The following MCUR1 variants were observed in gnomAD, a reference collection of about 807,000 sequenced individuals.
MCUR1 encodes the protein mitochondrial calcium uniporter regulator 1.
MCUR1 carries 37 observed loss-of-function variants against 42.0 expected under a neutral mutation model. The ratio of observed to expected loss-of-function variants is 0.88; its 90% confidence interval spans 0.68 to 1.16. The LOEUF (loss-of-function observed/expected upper bound fraction) is 1.16, where lower values mean the gene tolerates loss of function less well. MCUR1 is among the 50% of genes most tolerant of loss of function. The pLI, the probability that MCUR1 is intolerant of heterozygous loss-of-function variation, is 0.00. For synonymous variants in MCUR1, 229 were observed against 196.2 expected (o/e 1.17, Z -1.40); for missense variants, 469 against 468.4 (o/e 1.00, Z -0.01).
At chr6:13,795,129 A>G (rs951573840) in intron 6 of MCUR1, among the ~76,000 whole-genome samples, 22 of 151,974 alleles carry the variant, frequency 1.4e-4, no homozygotes, top group African/African-American at 4.3e-4. Context: ...AGTAGAAAAA[A>G]AAAAAAGAAA....
chr6:13,791,853 T>C (rs754354709), intron 8 of MCUR1, 25 bp downstream of exon 8: 7 of 1,515,996 alleles, frequency 4.6e-6, no homozygotes, highest in Non-Finnish European at 6.4e-6. Context: ...TTCAGGTTGA[T>C]TTAAATAGAT....
intron 1 of MCUR1, among the ~76,000 whole-genome samples, chr6:13,811,341 AT>A (rs1024492460): frequency 4.1e-4 from 60 of 147,074 alleles, no homozygotes; most frequent in Non-Finnish European, 4.5e-4. Flanking sequence ...GCTAGGAATA[AT>A]TTTTTTTTTT....
At chr6:13,790,929 T>C in intron 8 of MCUR1, 65 bp from the exon 9 acceptor site, 1 of 1,286,718 alleles carries the variant, frequency 7.8e-7, no homozygotes, top group Non-Finnish European at 1.1e-6. Flanking sequence ...GGAACATCTT[T>C]TTTTAAGAAA....
intron 1 of MCUR1, among the ~76,000 whole-genome samples, chr6:13,813,784 T>G (rs1369690513): frequency 2.0e-5 from 3 of 152,052 alleles, no homozygotes; most frequent in Non-Finnish European, 2.9e-5. Flanking sequence ...CCCTCCAACT[T>G]TAGCGCCCGG....
chr6:13,798,970 G>C (rs994187809), intron 5 of MCUR1, 66 bp from the exon 6 acceptor site: 1 of 943,522 alleles, frequency 1.1e-6, no homozygotes, highest in Admixed American at 1.8e-5. Context: ...CTATGAGGAC[G>C]TGACACTGGG....
At chr6:13,806,271 G>A (rs1760110097) in intron 2 of MCUR1, among the ~76,000 whole-genome samples, 1 of 151,168 alleles carries the variant, frequency 6.6e-6, no homozygotes, top group African/African-American at 2.4e-5. Context: ...GAAAGAAAAA[G>A]AAAAAAGAAA....
Position 13,814,069 on chromosome 6 carries a change from C to G in MCUR1, c.361G>C (p.Gly121Arg). The change falls in exon 1 of 9, where the codon GGC becomes CGC. Residue 121 changes from glycine (G) to arginine (R), a missense_variant. Transcript: ENST00000379170. The part of the protein sequence containing the change: ...RCSPGVAAAA[G>R]ALPQYHGPAP... Reference sequence around the variant, plus strand: ...GGGCCGTGGTACTGGGGAAGGGCGCCGGCGGCAGCGGCGACGCCCGGTGAG... The same window carrying G: ...GGGCCGTGGTACTGGGGAAGGGCGCGGGCGGCAGCGGCGACGCCCGGTGAG... The G allele has an allele frequency of 3.2e-6, 4 of 1,238,966 alleles. No homozygotes were observed. The highest frequency in any genetic ancestry group is 4.0e-6 in the Non-Finnish European group (4 of 993,592). The allele number at this position is 1,238,966 out of a possible 1,614,324, so 76.7% of individuals were successfully genotyped here.
chr6:13,796,186 G>A (rs1277384656), intron 6 of MCUR1, among the ~76,000 whole-genome samples: 1 of 151,924 alleles, frequency 6.6e-6, no homozygotes, highest in Non-Finnish European at 1.5e-5. Context: ...AATATTATAA[G>A]CTTTACTTTT....
rs1350544285 is a variant in MCUR1, at chr6:13,814,510, C to G, written c.-81G>C. ...GCCACGCGCGGTCCAGGCCCAGAGT[C>G]CGACAGCGGGAGCGAGCGTGGGCCA... On this transcript the variant is annotated 5_prime_UTR_variant, in exon 1 of 9. Coordinates refer to ENST00000379170, the MANE Select transcript of MCUR1 (RefSeq NM_001031713.4). 6.0e-6 allele frequency: 8 copies of G among 1,332,800 alleles called. No individual in the cohort carries two copies. In the African/African-American group the frequency reaches 7.7e-5, roughly 13 times the overall value. The allele number at this position is 1,332,800 out of a possible 1,614,324, so 82.6% of individuals were successfully genotyped here. A position where few individuals can be genotyped will look rare whatever the true frequency, so the allele number is the denominator to read the frequency against.
chr6:13,804,856 A>AT (rs1760082882), intron 2 of MCUR1, among the ~76,000 whole-genome samples: 1 of 151,686 alleles, frequency 6.6e-6, no homozygotes, highest in Non-Finnish European at 1.5e-5. Context: ...GCAGAAATTA[A>AT]TTTTTTGTAG....
At chr6:13,802,662 G>A (rs1464877768) in intron 2 of MCUR1, among the ~76,000 whole-genome samples, 1 of 151,930 alleles carries the variant, frequency 6.6e-6, no homozygotes, top group East Asian at 1.9e-4. Flanking sequence ...AGTGAAAAAA[G>A]GCAAGACTCA....
rs1408682014 is a variant in MCUR1, at chr6:13,788,470, AC to A, written c.*2338del. ...TGCCAGAATGATGCAGCCCGCTCTC[AC>A]CAGGAAGAACGACATGTGAGAAAAC... On this transcript the variant is annotated 3_prime_UTR_variant, in exon 9 of 9. Transcript: ENST00000379170. 1 of 152,212 alleles carries A rather than the reference AC, an allele frequency of 6.6e-6. No individual in the cohort carries two copies. 9.4% of individuals were successfully genotyped at this position (152,212 alleles called of 1,614,324 possible). A position where few individuals can be genotyped will look rare whatever the true frequency, so the allele number is the denominator to read the frequency against.
intron 2 of MCUR1, 92 bp downstream of exon 2, chr6:13,806,833 A>G (rs1208244397): frequency 2.2e-6 from 3 of 1,345,928 alleles, no homozygotes; most frequent in Non-Finnish European, 2.0e-6. Flanking sequence ...TAGAAGTCAA[A>G]GAGGAACATG....
In MCUR1 at chr6:13,807,060, C is replaced by T. The variant is rs1237856604; in HGVS notation, c.416-16G>A. On this transcript the variant is annotated splice_polypyrimidine_tract_variant and intron_variant, in intron 1 of 8. Transcript: ENST00000379170. ...AAGCTTAGCTCTAGGGTGGAAAGGACAGTAAGCTCAAAACAGACTTCATGC... is the reference window on the plus strand; with the variant it reads ...AAGCTTAGCTCTAGGGTGGAAAGGATAGTAAGCTCAAAACAGACTTCATGC... 2 of 1,591,030 alleles carry T rather than the reference C, an allele frequency of 1.3e-6. No individual in the cohort carries two copies. Among genetic ancestry groups the T allele is most frequent in the Non-Finnish European group, 1.7e-6 (2 of 1,166,854 alleles).
At chr6:13,795,568 C>T (rs935263737) in intron 6 of MCUR1, among the ~76,000 whole-genome samples, 4 of 152,162 alleles carry the variant, frequency 2.6e-5, no homozygotes, top group Non-Finnish European at 4.4e-5. Flanking sequence ...CAAACACACT[C>T]GCTGTATAAT....
chr6:13,799,369 G>A (rs1277164999), intron 5 of MCUR1, among the ~76,000 whole-genome samples: 3 of 152,160 alleles, frequency 2.0e-5, no homozygotes, highest in Non-Finnish European at 1.5e-5. Flanking sequence ...ATGTTTAGTA[G>A]AGATGGGGTT....
Position 13,798,853 on chromosome 6 carries a change from T to G in MCUR1, c.835A>C (p.Lys279Gln). 1.2e-6 allele frequency: 2 copies of G among 1,611,622 alleles called. No individual in the cohort carries two copies. The highest frequency in any genetic ancestry group is 1.7e-6 in the Non-Finnish European group (2 of 1,178,078). ...TDTKLDFNLE[K>Q]SRVKELYSLN... is the part of the protein sequence containing the mutation. Reference sequence around the variant, plus strand: ...CGTACCAATTCTTTTACTCTGCTCTTTTCTAGGTTGAAGTCTAATTTGGTA... The same window carrying G: ...CGTACCAATTCTTTTACTCTGCTCTGTTCTAGGTTGAAGTCTAATTTGGTA... Residue 279 changes from lysine to glutamine, a missense_variant, in exon 6 of 9, where the codon AAG becomes CAG. Physicochemically the swap from Lys to Gln is moderately conservative, Grantham distance 53 (BLOSUM62 1). Transcript: ENST00000379170.
rs1288805004 is a variant in MCUR1, at chr6:13,788,287, A to G, written c.*2522T>C. ...CTCAAATGGTTTTCAAATAAAATAC[A>G]TCTGACCAAATAAAGTGAACACAGT... On this transcript the variant is annotated 3_prime_UTR_variant, in exon 9 of 9. Transcript: ENST00000379170. The G allele has an allele frequency of 6.6e-6, 1 of 152,230 alleles. No homozygotes were observed. The highest frequency in any genetic ancestry group is 2.4e-5 in the African/African-American group (1 of 41,452). 9.4% of individuals were successfully genotyped at this position (152,230 alleles called of 1,614,324 possible).
Position 13,790,661 on chromosome 6 carries a change from C to CTG in MCUR1, c.*147_*148insCA, listed in dbSNP as rs1230632605. ...AGAGACGGGGTTTCACCGTGTTGGC[C>CTG]AGGCTGGTCTCGAACTCCTGACCTC... On this transcript the variant is annotated 3_prime_UTR_variant, in exon 9 of 9. Transcript: ENST00000379170. 4.0e-6 allele frequency: 2 copies of CTG among 505,936 alleles called. No homozygotes were observed. Among genetic ancestry groups the CTG allele is most frequent in the Admixed American group, 3.4e-5 (1 of 29,154 alleles). The allele number at this position is 505,936 out of a possible 1,614,324, so 31.3% of individuals were successfully genotyped here. A position where few individuals can be genotyped will look rare whatever the true frequency, so the allele number is the denominator to read the frequency against.
Sources: gnomAD v4.1 joint callset for allele counts (sites outside exome capture counted in the v4.1 genomes callset) on GRCh38, gnomAD v4.1.1 for gene constraint, MANE v1.5 for transcripts, NCBI Gene and HGNC (gene_info 2026-07-23, HGNC 2026-07-21) for gene names.